DSCAML1: variants seen among roughly 807,000 people sequenced by gnomAD.
DSCAML1 encodes DS cell adhesion molecule like 1.
DSCAML1 carries 38 observed loss-of-function variants against 200.5 expected under a neutral mutation model. The observed-to-expected ratio is 0.19, with a 90% CI of 0.15 to 0.25. The LOEUF (loss-of-function observed/expected upper bound fraction) is 0.25. Ranked by LOEUF, DSCAML1 falls within the 10% of genes least tolerant of loss-of-function variation. The pLI is 1.00. For missense variants in DSCAML1, 2,223 were observed against 2,858.8 expected, an observed-to-expected ratio of 0.78 and a Z score of 5.07; for synonymous variants, 1,215 against 1,165.0, an observed-to-expected ratio of 1.04 and a Z score of -0.87.
At chr11:117,609,291 T>TTTTC (rs140529856) in intron 3 of DSCAML1, among the ~76,000 whole-genome samples, 7 of 142,322 alleles carry the variant, frequency 4.9e-5, no homozygotes, top group South Asian at 2.2e-4. Flanking sequence ...GTTGATTTTC[T>TTTTC]TTTCTTTCTT....
At chr11:117,615,299 C>T (rs898120566) in intron 3 of DSCAML1, among the ~76,000 whole-genome samples, 3 of 152,198 alleles carry the variant, frequency 2.0e-5, no homozygotes, top group Non-Finnish European at 4.4e-5. Context: ...GAGGGGTTGG[C>T]CTGAGCTGTC....
At chr11:117,582,027 A>T (rs895783317) in intron 3 of DSCAML1, among the ~76,000 whole-genome samples, 6 of 152,192 alleles carry the variant, frequency 3.9e-5, no homozygotes, top group African/African-American at 1.4e-4. Flanking sequence ...CAGAGATCCC[A>T]TGATCATCGG....
chr11:117,548,724 G>C (rs1267193551), intron 3 of DSCAML1, among the ~76,000 whole-genome samples: 5 of 152,158 alleles, frequency 3.3e-5, no homozygotes, highest in Non-Finnish European at 5.9e-5. Context: ...ATTGGAGATG[G>C]AGCATTGGAT....
intron 3 of DSCAML1, among the ~76,000 whole-genome samples, chr11:117,603,911 A>G (rs984002346): frequency 6.6e-6 from 1 of 152,356 alleles, no homozygotes; most frequent in East Asian, 1.9e-4. Context: ...ACTGGGCCAG[A>G]TATCTTATTT....
intron 3 of DSCAML1, among the ~76,000 whole-genome samples, chr11:117,615,759 C>T (rs982158347): frequency 6.6e-6 from 1 of 152,156 alleles, no homozygotes; most frequent in African/African-American, 2.4e-5. Context: ...CTCACAAATG[C>T]ACTTTCCCAC....
intron 3 of DSCAML1, among the ~76,000 whole-genome samples, chr11:117,647,059 A>C (rs2052535284): frequency 6.6e-6 from 1 of 152,228 alleles, no homozygotes; most frequent in South Asian, 2.1e-4. Flanking sequence ...ATGTCCAGAA[A>C]GATGACACAG....
At chr11:117,428,835 G>C (rs1426101575) in intron 32 of DSCAML1, 32 bp from the exon 33 acceptor site, 1 of 1,544,058 alleles carries the variant, frequency 6.5e-7, no homozygotes, top group Non-Finnish European at 8.7e-7. Flanking sequence ...ATGTTACAGA[G>C]AGTCATAGCC....
intron 17 of DSCAML1, among the ~76,000 whole-genome samples, chr11:117,464,618 G>C (rs2048542450): frequency 6.6e-6 from 1 of 152,138 alleles, no homozygotes; most frequent in Non-Finnish European, 1.5e-5. Flanking sequence ...AGCGTGCCAG[G>C]AAGAAGGAGG....
chr11:117,791,544 C>A (rs1428112178), intron 1 of DSCAML1, among the ~76,000 whole-genome samples: 1 of 152,222 alleles, frequency 6.6e-6, no homozygotes, highest in African/African-American at 2.4e-5. Flanking sequence ...AAGTCTGGAG[C>A]CAACTTCAGC....
chr11:117,603,759 G>A (rs568189011), intron 3 of DSCAML1, among the ~76,000 whole-genome samples: 7 of 152,322 alleles, frequency 4.6e-5, no homozygotes, highest in African/African-American at 1.2e-4. Flanking sequence ...GTTACTAAGA[G>A]ATGCCAAAAT....
At chr11:117,539,052 C>T (rs952628749) in intron 3 of DSCAML1, among the ~76,000 whole-genome samples, 2 of 152,188 alleles carry the variant, frequency 1.3e-5, no homozygotes, top group African/African-American at 2.4e-5. Context: ...ATTCCCATCT[C>T]AATCCGGTCA....
At position 117,503,825 on chromosome 11, in the gene DSCAML1, C is replaced by A. The variant is rs370688529; in HGVS notation, c.2359+20G>T. ...GCTGTGATTTGGGGGTGCTAGGGGG[C>A]GTGTGGGGACAGGACTCACTCTTGA... On this transcript the variant is annotated intron_variant, in intron 11 of 32. Coordinates refer to ENST00000651296, the MANE Select transcript of DSCAML1 (RefSeq NM_020693.4). The surrounding 1 kb of genome is among the most constrained non-coding windows in gnomAD (Gnocchi z 5.2). The A allele has an allele frequency of 6.2e-6, 10 of 1,607,606 alleles. No individual in the cohort carries two copies. In the South Asian group the frequency reaches 1.1e-4, roughly 18 times the overall value.
chr11:117,545,586 G>A (rs559664316), intron 3 of DSCAML1, among the ~76,000 whole-genome samples: 7 of 152,282 alleles, frequency 4.6e-5, no homozygotes, highest in African/African-American at 1.7e-4. Flanking sequence ...AGGCAGAGGG[G>A]AGCCAATTCT....
At chr11:117,500,456 A>C (rs1301647932) in intron 11 of DSCAML1, among the ~76,000 whole-genome samples, 4 of 152,206 alleles carry the variant, frequency 2.6e-5, no homozygotes, top group Non-Finnish European at 5.9e-5. Context: ...TTTTGTGCCA[A>C]ATACTGTATT....
intron 8 of DSCAML1, among the ~76,000 whole-genome samples, chr11:117,512,475 G>A (rs747051215): frequency 2.0e-5 from 3 of 152,170 alleles, no homozygotes; most frequent in Non-Finnish European, 4.4e-5. Context: ...GGGATGAGGG[G>A]GCCTGAGCTT....
chr11:117,638,436 G>A (rs1052378103), intron 3 of DSCAML1, among the ~76,000 whole-genome samples: 2 of 150,628 alleles, frequency 1.3e-5, no homozygotes, highest in Non-Finnish European at 2.9e-5. Flanking sequence ...CAGTTCAGTG[G>A]TTTTTAGTAT....
intron 11 of DSCAML1, among the ~76,000 whole-genome samples, chr11:117,488,573 G>A (rs2049125564): frequency 6.6e-6 from 1 of 151,990 alleles, no homozygotes; most frequent in Non-Finnish European, 1.5e-5. Context: ...CAGAGGGGCA[G>A]TGTCAGAAAC....
chr11:117,720,545 C>A (rs2137793995), intron 3 of DSCAML1, among the ~76,000 whole-genome samples: 1 of 152,344 alleles, frequency 6.6e-6, no homozygotes, highest in Non-Finnish European at 1.5e-5. Flanking sequence ...GGGGTAAAAA[C>A]TGAACCACAT....
intron 8 of DSCAML1, among the ~76,000 whole-genome samples, chr11:117,511,928 T>A (rs2049627402): frequency 6.6e-6 from 1 of 152,226 alleles, no homozygotes; most frequent in African/African-American, 2.4e-5. Context: ...CACACACAGG[T>A]CTCTGCACAC....
Sources: allele counts gnomAD v4.1 joint callset (sites outside exome capture counted in the v4.1 genomes callset), GRCh38; gene constraint gnomAD v4.1.1; non-coding constraint Gnocchi (gnomAD v3.1); transcripts MANE v1.5; gene names NCBI Gene and HGNC (gene_info 2026-07-23, HGNC 2026-07-21).